MRPL13: variants seen among roughly 807,000 people sequenced by gnomAD.
MRPL13 encodes the protein mitochondrial ribosomal protein L13.
Under a neutral mutation model 29.0 loss-of-function variants are expected in MRPL13, and 33 were observed. The ratio of observed to expected loss-of-function variants is 1.14; its 90% CI spans 0.86 to 1.52. MRPL13 has a LOEUF of 1.52. Ranked by LOEUF, MRPL13 falls within the 40% of genes most tolerant of loss-of-function variation. The probability of loss-of-function intolerance (pLI) is 0.00; values close to 1 mark genes in which losing one functional copy is unlikely to be tolerated. For synonymous variants in MRPL13, 77 were observed against 68.4 expected (o/e 1.13, Z -0.62); for missense variants, 227 against 216.7 (o/e 1.05, Z -0.30).
intron 2 of MRPL13, among the ~76,000 whole-genome samples, chr8:120,435,551 G>A (rs1464851534): frequency 6.6e-6 from 1 of 152,090 alleles, no homozygotes; most frequent in Non-Finnish European, 1.5e-5. Context: ...ATTTTTTAAT[G>A]GCTCTACAGT....
chr8:120,439,590 A>G (rs1222874435), intron 2 of MRPL13, among the ~76,000 whole-genome samples: 1 of 152,214 alleles, frequency 6.6e-6, no homozygotes, highest in East Asian at 1.9e-4. Flanking sequence ...GAACAAGAAC[A>G]GGCTACTCAC....
In MRPL13 at chr8:120,404,409, G is replaced by A. The variant is rs1046318416; in HGVS notation, c.516-8284C>T. On this transcript the variant is annotated intron_variant, in intron 6 of 6. Coordinates refer to ENST00000306185, the MANE Select transcript of MRPL13 (RefSeq NM_014078.6). ...GGTATAATCCACCACATAAAGGAATGTGGACATTGACCTCAAAGCAAATTT... is the reference window on the plus strand; with the variant it reads ...GGTATAATCCACCACATAAAGGAATATGGACATTGACCTCAAAGCAAATTT... Among the ~76,000 whole-genome samples the A allele has an allele frequency of 7.9e-5, 12 of 152,326 alleles. No individual in the cohort carries two copies. The South Asian group carries it at 1.4e-3, about 18-fold the overall frequency.
chr8:120,405,557 T>C (rs367571499), intron 6 of MRPL13, among the ~76,000 whole-genome samples: 12 of 152,216 alleles, frequency 7.9e-5, no homozygotes, highest in African/African-American at 2.4e-4. Context: ...GAGCTATTTA[T>C]AAGACAGAGG....
In MRPL13 at chr8:120,395,740, T is replaced by G. The variant is rs752925337; in HGVS notation, c.*364A>C. On this transcript the variant is annotated 3_prime_UTR_variant, in exon 7 of 7. Transcript: ENST00000306185. ...GCTTGTTCACAAGGGACAAGAATAG[T>G]GACCTGCAAACTTGAGAAAATCTGC... The G allele has an allele frequency of 5.7e-6, 1 of 174,656 alleles. No individual in the cohort carries two copies. The highest frequency in any genetic ancestry group is 1.2e-5 in the Non-Finnish European group (1 of 83,640). 10.8% of individuals were successfully genotyped at this position (174,656 alleles called of 1,614,324 possible). A position where few individuals can be genotyped will look rare whatever the true frequency, so the allele number is the denominator to read the frequency against.
At chr8:120,426,968 A>G (rs1257703007) in intron 3 of MRPL13, among the ~76,000 whole-genome samples, 1 of 152,156 alleles carries the variant, frequency 6.6e-6, no homozygotes, top group Non-Finnish European at 1.5e-5. Flanking sequence ...CAAGGTGCAC[A>G]CACACCCAAT....
chr8:120,406,969 A>G (rs141637858), intron 6 of MRPL13, among the ~76,000 whole-genome samples: 49 of 152,358 alleles, frequency 3.2e-4, no homozygotes, highest in Non-Finnish European at 6.2e-4. Flanking sequence ...TCTGAGTTGT[A>G]GAAAATATTC....
At chr8:120,401,471 C>T (rs1306216633) in intron 6 of MRPL13, among the ~76,000 whole-genome samples, 1 of 152,146 alleles carries the variant, frequency 6.6e-6, no homozygotes, top group Non-Finnish European at 1.5e-5. Flanking sequence ...GTTAAAAACT[C>T]TCAATAAACT....
intron 2 of MRPL13, among the ~76,000 whole-genome samples, chr8:120,441,019 G>A (rs188977988): frequency 6.6e-6 from 1 of 152,218 alleles, no homozygotes; most frequent in East Asian, 1.9e-4. Context: ...GTGTGTGTGT[G>A]TGAGTGTATA....
At chr8:120,401,872 C>G (rs1812601818) in intron 6 of MRPL13, among the ~76,000 whole-genome samples, 1 of 151,934 alleles carries the variant, frequency 6.6e-6, no homozygotes, top group Non-Finnish European at 1.5e-5. Flanking sequence ...AAGCAGAGAG[C>G]CAAATCATAA....
intron 6 of MRPL13, among the ~76,000 whole-genome samples, chr8:120,398,604 T>C (rs764250708): frequency 9.9e-5 from 15 of 152,124 alleles, no homozygotes; most frequent in Non-Finnish European, 2.1e-4. Context: ...CTCCTCCAAA[T>C]GACAGCAACA....
intron 5 of MRPL13, chr8:120,419,617 A>T (rs1586922547): frequency 3.7e-6 from 1 of 271,146 alleles, no homozygotes; most frequent in Admixed American, 5.3e-5. Context: ...AGTGATTAAA[A>T]TTTTTTTTAA....
chr8:120,430,631 CA>C (rs1812987038), intron 3 of MRPL13, among the ~76,000 whole-genome samples: 1 of 152,112 alleles, frequency 6.6e-6, no homozygotes, highest in Admixed American at 6.6e-5. Flanking sequence ...TCCTCACTGT[CA>C]GGGGAACAAC....
intron 6 of MRPL13, among the ~76,000 whole-genome samples, chr8:120,405,561 A>T (rs1241898270): frequency 1.3e-5 from 2 of 152,200 alleles, no homozygotes; most frequent in East Asian, 3.8e-4. Context: ...TATTTATAAG[A>T]CAGAGGAGCA....
intron 6 of MRPL13, among the ~76,000 whole-genome samples, chr8:120,404,266 A>G (rs1317172054): frequency 6.6e-6 from 1 of 152,226 alleles, no homozygotes; most frequent in Non-Finnish European, 1.5e-5. Context: ...ACTCCACTCA[A>G]TAGAATTAAA....
At chr8:120,441,464 A>G (rs1813123000) in intron 2 of MRPL13, among the ~76,000 whole-genome samples, 1 of 152,184 alleles carries the variant, frequency 6.6e-6, no homozygotes, top group Non-Finnish European at 1.5e-5. Flanking sequence ...AGGATAGCCA[A>G]GGGTACTAAG....
intron 6 of MRPL13, among the ~76,000 whole-genome samples, chr8:120,411,018 TCCACCGCG>T (rs948186361): frequency 6.6e-6 from 1 of 151,762 alleles, no homozygotes; most frequent in African/African-American, 2.4e-5. Flanking sequence ...CCTTAGGTGA[TCCACCGCG>T]CCAGGCTTCC....
intron 1 of MRPL13, among the ~76,000 whole-genome samples, chr8:120,444,416 C>T (rs566769609): frequency 2.6e-5 from 4 of 152,226 alleles, no homozygotes; most frequent in African/African-American, 9.6e-5. Flanking sequence ...TCCAGTTGGA[C>T]AAACCAAAAA....
At chr8:120,441,000 AAT>A (rs1302462348) in intron 2 of MRPL13, among the ~76,000 whole-genome samples, 4 of 151,208 alleles carry the variant, frequency 2.6e-5, no homozygotes, top group African/African-American at 4.9e-5. Context: ...TATATTTTTA[AAT>A]ATGTGTGTGT....
At chr8:120,420,000 A>G in intron 4 of MRPL13, 62 bp from the exon 5 acceptor site, 1 of 1,061,010 alleles carries the variant, frequency 9.4e-7, no homozygotes, top group Non-Finnish European at 1.3e-6. Flanking sequence ...GAAAGCAAAC[A>G]TAATTAGAGA....
Sources: gnomAD v4.1 joint callset for allele counts (sites outside exome capture counted in the v4.1 genomes callset) on GRCh38, gnomAD v4.1.1 for gene constraint, MANE v1.5 for transcripts, NCBI Gene and HGNC (gene_info 2026-07-23, HGNC 2026-07-21) for gene names.